The following PSMA1 variants were observed in gnomAD, a reference collection of about 807,000 sequenced individuals.
PSMA1 encodes the protein proteasome 20S subunit alpha 1, also known as proteasome subunit alpha type-1.
In PSMA1, 3 loss-of-function variants were observed where a neutral mutation model predicts 38.4. The observed-to-expected ratio is 0.08, with a 90% CI of 0.04 to 0.20. The LOEUF (loss-of-function observed/expected upper bound fraction) is 0.20. Ranked by LOEUF, PSMA1 falls within the 10% of genes least tolerant of loss-of-function variation. PSMA1 has a pLI of 1.00. For synonymous variants in PSMA1, 101 were observed against 107.1 expected (o/e 0.94, Z 0.35); for missense variants, 227 against 325.3 (o/e 0.70, Z 2.32).
intron 2 of PSMA1, among the ~76,000 whole-genome samples, chr11:14,598,094 T>C (rs1417655079): frequency 6.6e-6 from 1 of 152,258 alleles, no homozygotes; most frequent in Admixed American, 6.5e-5. Context: ...TCTAATTTGA[T>C]TGCACTGTGG....
chr11:14,631,305 T>G (rs1002806568), intron 1 of PSMA1, among the ~76,000 whole-genome samples: 18 of 152,222 alleles, frequency 1.2e-4, no homozygotes, highest in Non-Finnish European at 2.4e-4. Flanking sequence ...GGGCATTTAG[T>G]GCAATAAATT....
At chr11:14,599,920 G>T (rs1852558459) in intron 2 of PSMA1, among the ~76,000 whole-genome samples, 3 of 152,208 alleles carry the variant, frequency 2.0e-5, no homozygotes, top group Non-Finnish European at 4.4e-5. Flanking sequence ...TACAGATGGG[G>T]TTTTGGTGTA....
intron 2 of PSMA1, among the ~76,000 whole-genome samples, chr11:14,583,409 C>T (rs1852305575): frequency 6.6e-6 from 1 of 152,166 alleles, no homozygotes; most frequent in Non-Finnish European, 1.5e-5. Context: ...CAGACGAGTG[C>T]CTTCAGGGCA....
At chr11:14,631,900 G>A (rs1199836015) in intron 1 of PSMA1, among the ~76,000 whole-genome samples, 14 of 146,450 alleles carry the variant, frequency 9.6e-5, no homozygotes, top group Non-Finnish European at 7.5e-5. Flanking sequence ...TTGTTGAATT[G>A]ATCCCTTTAC....
At chr11:14,630,957 G>A (rs1038703734) in intron 1 of PSMA1, among the ~76,000 whole-genome samples, 3 of 152,164 alleles carry the variant, frequency 2.0e-5, no homozygotes, top group African/African-American at 7.2e-5. Flanking sequence ...TTGCGTAGAG[G>A]TGTTTGTAGT....
rs1851386246 is a variant in PSMA1 at position 14,513,893 on chromosome 11, A to G, written c.344-6T>C. The G allele has an allele frequency of 3.8e-6, 6 of 1,587,444 alleles. 1 individual carries two copies. The highest frequency in any genetic ancestry group is 2.3e-4 in the Middle Eastern group (1 of 4,388). ...TTGTGTTGGTATCTGGGTCTCTTAGACTGGTTAACGAGCTTGTTTTAACAA... is the reference window on the plus strand; with the variant it reads ...TTGTGTTGGTATCTGGGTCTCTTAGGCTGGTTAACGAGCTTGTTTTAACAA... On this transcript the variant is annotated splice_region_variant and splice_polypyrimidine_tract_variant and intron_variant, in intron 5 of 9. Transcript: ENST00000396394.
rs1160383454 is a variant in PSMA1 at position 14,549,827 on chromosome 11, CTCTG to C, written c.22-30790_22-30787del. Among the ~76,000 whole-genome samples, 8 of 152,136 alleles carry C rather than the reference CTCTG, an allele frequency of 5.3e-5. No individual in the cohort carries two copies. In the East Asian group the frequency reaches 1.3e-3, roughly 26 times the overall value. On this transcript the variant is annotated intron_variant, in intron 2 of 10. Transcript: ENST00000418988. The stretch of plus-strand genomic sequence containing the variant: ...TCACACAGTGTGCTCAAGGCCAGCA[CTCTG>C]TCTGGGGCCATGAGAATGTGAACAG...
chr11:14,532,109 T>G (rs1039236761), intron 2 of PSMA1, among the ~76,000 whole-genome samples: 8 of 90,486 alleles, frequency 8.8e-5, no homozygotes, highest in Admixed American at 3.5e-4. Context: ...TCCAATACTT[T>G]TTTCTGTGAA....
chr11:14,538,427 A>G (rs1281038195), intron 2 of PSMA1, among the ~76,000 whole-genome samples: 1 of 152,204 alleles, frequency 6.6e-6, no homozygotes, highest in Non-Finnish European at 1.5e-5. Context: ...CTGCATCCAG[A>G]TGGCCTGTCT....
intron 2 of PSMA1, among the ~76,000 whole-genome samples, chr11:14,602,047 T>C (rs573954343): frequency 6.6e-6 from 1 of 152,330 alleles, no homozygotes; most frequent in South Asian, 2.1e-4. Flanking sequence ...CATGGCTTCA[T>C]ACTTCACACC....
At chr11:14,559,442 C>A (rs956848630) in intron 2 of PSMA1, among the ~76,000 whole-genome samples, 1 of 152,174 alleles carries the variant, frequency 6.6e-6, no homozygotes, top group African/African-American at 2.4e-5. Context: ...CCTCAGCATC[C>A]GGAACTTAGT....
At chr11:14,635,253 T>C (rs898579960) in intron 1 of PSMA1, among the ~76,000 whole-genome samples, 16 of 152,230 alleles carry the variant, frequency 1.1e-4, no homozygotes, top group African/African-American at 3.9e-4. Flanking sequence ...CATGTTAGAG[T>C]GGATGTTAGT....
chr11:14,581,520 A>G (rs1852281456), intron 2 of PSMA1, among the ~76,000 whole-genome samples: 1 of 152,156 alleles, frequency 6.6e-6, no homozygotes, highest in East Asian at 1.9e-4. Context: ...CCTTAATAAG[A>G]GTGATCAGTA....
intron 2 of PSMA1, among the ~76,000 whole-genome samples, chr11:14,597,428 T>A (rs932089168): frequency 6.6e-6 from 1 of 152,206 alleles, no homozygotes; most frequent in Non-Finnish European, 1.5e-5. Flanking sequence ...CAGAGCCTGT[T>A]ATTGGTCTAT....
At chr11:14,526,715 C>T (rs1421359954) in intron 2 of PSMA1, among the ~76,000 whole-genome samples, 1 of 152,166 alleles carries the variant, frequency 6.6e-6, no homozygotes, top group Non-Finnish European at 1.5e-5. Flanking sequence ...GGATACCACA[C>T]CTGACCCCCA....
chr11:14,552,208 G>C (rs1401016978), intron 2 of PSMA1, among the ~76,000 whole-genome samples: 1 of 152,138 alleles, frequency 6.6e-6, no homozygotes, highest in Non-Finnish European at 1.5e-5. Flanking sequence ...GCCCATGGAG[G>C]CTGGATCCTC....
In PSMA1 at chr11:14,513,858, G is replaced by A. The variant is rs768131962; in HGVS notation, c.373C>T (p.Arg125Trp). 13 of 1,602,232 alleles carry A rather than the reference G, an allele frequency of 8.1e-6. No homozygotes were observed. The highest frequency in any genetic ancestry group is 1.1e-5 in the Non-Finnish European group (13 of 1,176,588). The change falls in exon 6 of 10, where the codon CGG (arginine) becomes TGG (tryptophan). Residue 125 changes from arginine (R) to tryptophan (W), a missense_variant. Arg to Trp is a moderately radical substitution (Grantham distance 101). Transcript: ENST00000396394. ...AGGAGACCAACACCATATGGTCTCCGGCCATATCGTTGTGTTGGTATCTGG... is the reference window on the plus strand; with the variant it reads ...AGGAGACCAACACCATATGGTCTCCAGCCATATCGTTGTGTTGGTATCTGG... Reference protein sequence around the residue: ...KTQIPTQRYGRRPYGVGLLIA... With the variant: ...KTQIPTQRYGWRPYGVGLLIA...
intron 1 of PSMA1, among the ~76,000 whole-genome samples, chr11:14,619,187 G>A (rs1209643078): frequency 2.0e-5 from 3 of 152,016 alleles, no homozygotes; most frequent in Non-Finnish European, 4.4e-5. Context: ...GGCAGCTCAC[G>A]CCTGTGATCC....
chr11:14,540,002 T>C (rs1291519288), intron 2 of PSMA1, among the ~76,000 whole-genome samples: 4 of 152,250 alleles, frequency 2.6e-5, no homozygotes, highest in Non-Finnish European at 5.9e-5. Context: ...GCATTTAGCC[T>C]GTAGTGCTGC....
Sources: allele counts gnomAD v4.1 joint callset (sites outside exome capture counted in the v4.1 genomes callset), GRCh38; gene constraint gnomAD v4.1.1; transcripts MANE v1.5; gene names NCBI Gene and HGNC (gene_info 2026-07-23, HGNC 2026-07-21).